SENP7: variants seen among roughly 807,000 people sequenced by gnomAD.
SENP7 encodes sentrin-specific protease 7.
A neutral mutation model predicts 141.2 loss-of-function variants in SENP7; 64 were observed. The ratio of observed to expected loss-of-function variants is 0.45; its 90% CI spans 0.37 to 0.56. The LOEUF (loss-of-function observed/expected upper bound fraction) is 0.56. Among genes scored for constraint, SENP7 ranks in the 20% least tolerant of loss-of-function variants. The probability of loss-of-function intolerance (pLI) is 0.00; values close to 1 mark genes in which losing one functional copy is unlikely to be tolerated. For missense variants in SENP7, 1,025 were observed against 1,212.2 expected (o/e 0.85, Z 2.29); for synonymous variants, 382 against 426.4 (o/e 0.90, Z 1.28).
chr3:101,402,371 C>T lies in SENP7; in HGVS notation c.483-3316G>A, dbSNP rs367606347. On this transcript the variant is annotated intron_variant, in intron 5 of 23. Coordinates refer to ENST00000394095, the MANE Select transcript of SENP7 (RefSeq NM_020654.5). ...AAGCATGGTGGCTCATGCCTGTAAT[C>T]CCAGCACTTTGGGCGGCAGAGGCCG... Among the ~76,000 whole-genome samples, 26 of 152,232 alleles carry T rather than the reference C, an allele frequency of 1.7e-4. 1 individual carries two copies. Among genetic ancestry groups the T allele is most frequent in the Admixed American group, 8.5e-4 (13 of 15,278 alleles).
chr3:101,477,668 TG>T (rs2064275062), intron 3 of SENP7, among the ~76,000 whole-genome samples: 1 of 151,890 alleles, frequency 6.6e-6, no homozygotes, highest in African/African-American at 2.4e-5. Context: ...CTGGTTAACA[TG>T]GTGACACGCC....
At chr3:101,440,568 T>TA (rs1559829706) in intron 4 of SENP7, among the ~76,000 whole-genome samples, 1 of 84,968 alleles carries the variant, frequency 1.2e-5, no homozygotes, top group South Asian at 3.3e-4. Flanking sequence ...GAATTATCAA[T>TA]AAAAAAATAA....
chr3:101,361,761 G>T lies in SENP7; in HGVS notation c.1577C>A (p.Ser526Tyr), dbSNP rs369613931. 2.4e-5 allele frequency: 39 copies of T among 1,603,684 alleles called. No individual in the cohort carries two copies. Among genetic ancestry groups the T allele is most frequent in the Non-Finnish European group, 3.0e-5 (35 of 1,176,286 alleles). ...MDLQLDFIFTSVYIGKIKGAS... is the reference protein window; with the variant it reads ...MDLQLDFIFTYVYIGKIKGAS... ...TCCTTTTATTTTACCAATATAAACA[G>T]AAGTAAATATAAAATCCAGTTGTAG... The change falls in exon 11 of 24, where the codon TCT (serine) becomes TAT (tyrosine). Residue 526 changes from serine (S) to tyrosine (Y), a missense_variant. Physicochemically the swap from Ser to Tyr is moderately radical, Grantham distance 144 (BLOSUM62 -2). This residue lies in a region of SENP7 where 228 missense variants were observed against 228.5 expected (regional missense o/e 1.00). Transcript: ENST00000394095.
intron 4 of SENP7, among the ~76,000 whole-genome samples, chr3:101,432,872 A>G (rs971452099): frequency 6.6e-6 from 1 of 152,240 alleles, no homozygotes; most frequent in Non-Finnish European, 1.5e-5. Context: ...GACAATGAAG[A>G]ACATCTACTA....
intron 6 of SENP7, among the ~76,000 whole-genome samples, chr3:101,376,583 A>G (rs1044817125): frequency 2.0e-5 from 3 of 151,278 alleles, no homozygotes; most frequent in Non-Finnish European, 4.4e-5. Flanking sequence ...GAATTGAACA[A>G]TGAGAACACA....
chr3:101,449,502 C>A (rs997980279), intron 4 of SENP7, among the ~76,000 whole-genome samples: 28 of 152,336 alleles, frequency 1.8e-4, no homozygotes, highest in African/African-American at 6.7e-4. Context: ...GGAAGCCCAT[C>A]AGACTAACAG....
chr3:101,386,057 T>C (rs557978658), intron 6 of SENP7, among the ~76,000 whole-genome samples: 21 of 152,102 alleles, frequency 1.4e-4, no homozygotes, highest in Admixed American at 4.6e-4. Context: ...AAAAAATTAA[T>C]GAGGGGCTTC....
chr3:101,472,109 C>T (rs1212359228), intron 3 of SENP7, among the ~76,000 whole-genome samples: 2 of 152,198 alleles, frequency 1.3e-5, no homozygotes, highest in African/African-American at 4.8e-5. Flanking sequence ...CCTCAAGGAT[C>T]TAGACCTGGA....
chr3:101,451,426 G>T (rs1343651623), intron 4 of SENP7, among the ~76,000 whole-genome samples: 1 of 152,170 alleles, frequency 6.6e-6, no homozygotes, highest in Non-Finnish European at 1.5e-5. Context: ...GAGAATTTTA[G>T]ACCAATAGCC....
chr3:101,429,075 G>C (rs1437877821), intron 4 of SENP7, among the ~76,000 whole-genome samples: 6 of 152,200 alleles, frequency 3.9e-5, no homozygotes, highest in Non-Finnish European at 4.4e-5. Flanking sequence ...CCAGTACCAT[G>C]CTGTTTTGGT....
chr3:101,347,735 A>T (rs953297186), intron 13 of SENP7, 137 bp downstream of exon 13: 1 of 533,642 alleles, frequency 1.9e-6, no homozygotes, highest in Non-Finnish European at 3.0e-6. Context: ...AAAAAAAAAA[A>T]AAAGAAACAA....
intron 4 of SENP7, among the ~76,000 whole-genome samples, chr3:101,455,557 A>G (rs1285328775): frequency 6.6e-6 from 1 of 152,162 alleles, no homozygotes; most frequent in African/African-American, 2.4e-5. Flanking sequence ...ATACGCTACA[A>G]GAGAACTAAA....
chr3:101,328,336 T>A lies in SENP7; in HGVS notation c.2864+142A>T, dbSNP rs1365477033. On this transcript the variant is annotated intron_variant, in intron 22 of 23. Transcript: ENST00000394095. ...ATATTAACAGAATAGAAGATATTTA[T>A]TATTGATTAAATTTATAGGATTGTT... is the stretch of plus-strand genomic sequence containing the variant. 5.2e-6 allele frequency: 3 copies of A among 574,748 alleles called. No homozygotes were observed. The East Asian group carries it at 8.5e-5, about 16-fold the overall frequency. The allele number at this position is 574,748 out of a possible 1,614,324, so 35.6% of individuals were successfully genotyped here.
intron 19 of SENP7, 61 bp from the exon 20 acceptor site, chr3:101,330,447 AG>A (rs1404608107): frequency 8.9e-7 from 1 of 1,124,304 alleles, no homozygotes; most frequent in African/African-American, 1.6e-5. Flanking sequence ...CAGGTAACTT[AG>A]AAAAGCTTAA....
chr3:101,461,215 C>A (rs1262345643), intron 3 of SENP7, among the ~76,000 whole-genome samples: 1 of 152,008 alleles, frequency 6.6e-6, no homozygotes, highest in Non-Finnish European at 1.5e-5. Flanking sequence ...ACTCCACGGT[C>A]ATGGTTTGAA....
At chr3:101,357,908 C>T (rs2059786878) in intron 11 of SENP7, 5 of 592,296 alleles carry the variant, frequency 8.4e-6, no homozygotes, top group Non-Finnish European at 6.0e-6. Context: ...TAAGATAATT[C>T]ACACTGGAGA....
chr3:101,346,324 A>G (rs192186204), intron 13 of SENP7, among the ~76,000 whole-genome samples: 298 of 152,368 alleles, frequency 2.0e-3, no homozygotes, highest in Non-Finnish European at 2.9e-3. Flanking sequence ...AATGTAAACT[A>G]GTACACCCAC....
intron 6 of SENP7, among the ~76,000 whole-genome samples, chr3:101,390,794 T>C (rs1435881962): frequency 6.6e-6 from 1 of 152,226 alleles, no homozygotes; most frequent in Non-Finnish European, 1.5e-5. Context: ...GGCTGCAGAA[T>C]ATACATTCTT....
intron 4 of SENP7, among the ~76,000 whole-genome samples, chr3:101,425,341 T>C (rs895834732): frequency 6.6e-6 from 1 of 152,012 alleles, no homozygotes; most frequent in African/African-American, 2.4e-5. Context: ...GAGAACAAAG[T>C]TGGGGTCTGA....
Sources: allele counts gnomAD v4.1 joint callset (sites outside exome capture counted in the v4.1 genomes callset), GRCh38; gene constraint gnomAD v4.1.1; regional missense constraint gnomAD v4.1.1; transcripts MANE v1.5; gene names NCBI Gene and HGNC (gene_info 2026-07-23, HGNC 2026-07-21).